The following KCNK17 variants were observed in gnomAD, a reference collection of about 807,000 sequenced individuals.
KCNK17 encodes the protein potassium two pore domain channel subfamily K member 17.
A neutral mutation model predicts 24.6 loss-of-function variants in KCNK17; 27 were observed. The ratio of observed to expected loss-of-function variants is 1.10; its 90% CI spans 0.81 to 1.51. KCNK17 has a LOEUF of 1.51. Among genes scored for constraint, KCNK17 ranks in the 40% most tolerant of loss-of-function variants. KCNK17 has a pLI of 0.00. For missense variants in KCNK17, 450 were observed against 436.6 expected (o/e 1.03, Z -0.27); for synonymous variants, 181 against 189.8 (o/e 0.95, Z 0.38).
At chr6:39,309,554 G>A (rs1414002235) in intron 2 of KCNK17, among the ~76,000 whole-genome samples, 1 of 152,148 alleles carries the variant, frequency 6.6e-6, no homozygotes, top group African/African-American at 2.4e-5. Context: ...CATAATCCAA[G>A]CTAGGGGTGG....
intron 2 of KCNK17, among the ~76,000 whole-genome samples, chr6:39,305,222 A>G (rs1762015063): frequency 6.6e-6 from 1 of 152,232 alleles, no homozygotes. Context: ...TGCAATGCAG[A>G]GAGCAGCTCT....
In KCNK17 at chr6:39,299,177, T is replaced by C. The variant is rs929435609; in HGVS notation, c.*250A>G. The C allele has an allele frequency of 6.0e-6, 3 of 497,486 alleles. No individual in the cohort carries two copies. Among genetic ancestry groups the C allele is most frequent in the African/African-American group, 5.8e-5 (3 of 52,166 alleles). 30.8% of individuals were successfully genotyped at this position (497,486 alleles called of 1,614,324 possible). On this transcript the variant is annotated 3_prime_UTR_variant, in exon 5 of 5. Transcript: ENST00000373231. ...TGGCTGCCAGAGCTCCCAGCCATCA[T>C]ATCGGCGGCATTGCAGCCCGCTAAA... is the stretch of plus-strand genomic sequence containing the variant.
intron 1 of KCNK17, among the ~76,000 whole-genome samples, 183 bp from the exon 2 acceptor site, chr6:39,311,190 C>A (rs1762133763): frequency 6.6e-6 from 1 of 152,020 alleles, no homozygotes; most frequent in Non-Finnish European, 1.5e-5. Context: ...GAGGCTCTAC[C>A]CCTCTCACCA....
At chr6:39,300,790 CCT>C (rs1254889872) in intron 4 of KCNK17, among the ~76,000 whole-genome samples, 1 of 152,124 alleles carries the variant, frequency 6.6e-6, no homozygotes, top group Non-Finnish European at 1.5e-5. Flanking sequence ...GTACTTATGG[CCT>C]CTCGGCTCCA....
At chr6:39,311,109 C>T (rs2395723) in intron 1 of KCNK17, 102 bp from the exon 2 acceptor site, 244,303 of 571,234 alleles carry the variant, frequency 0.43, 56,610 homozygotes, top group Middle Eastern at 0.56. Context: ...CACACACACA[C>T]ACACACACAC....
chr6:39,308,182 G>A (rs1762068544), intron 2 of KCNK17, among the ~76,000 whole-genome samples: 1 of 152,112 alleles, frequency 6.6e-6, no homozygotes, highest in African/African-American at 2.4e-5. Flanking sequence ...CTCCCCAAGG[G>A]CTGGGACTTG....
chr6:39,304,758 C>T, intron 2 of KCNK17, 103 bp from the exon 3 acceptor site: 1 of 1,300,750 alleles, frequency 7.7e-7, no homozygotes, highest in Non-Finnish European at 1.1e-6. Flanking sequence ...CTCATTCTAA[C>T]CCACTGTAGA....
intron 4 of KCNK17, among the ~76,000 whole-genome samples, chr6:39,303,567 A>G (rs1167673091): frequency 6.6e-6 from 1 of 152,030 alleles, no homozygotes; most frequent in African/African-American, 2.4e-5. Context: ...AGTCTCCCGG[A>G]CCCTACTGTC....
At position 39,309,923 on chromosome 6, in the gene KCNK17, G is replaced by T. The variant is rs960413458; in HGVS notation, c.352+970C>A. ...CCCAAGCATGCTTGTCTCAAGGATT[G>T]CCCAAGCTCCCATGTAGCTCTGAGG... On this transcript the variant is annotated intron_variant, in intron 2 of 4. Coordinates refer to ENST00000373231, the MANE Select transcript of KCNK17 (RefSeq NM_031460.4). Among the ~76,000 whole-genome samples the T allele has an allele frequency of 5.9e-5, 9 of 152,300 alleles. No individual in the cohort carries two copies. The South Asian group carries it at 8.3e-4, about 14-fold the overall frequency.
In KCNK17 at chr6:39,310,997, T is replaced by C. The variant is rs1264777975; in HGVS notation, c.248A>G (p.Gln83Arg). Residue 83 changes from glutamine (Q) to arginine (R), a missense_variant, in exon 2 of 5, where the codon CAA (glutamine) becomes CGA (arginine). Coordinates refer to ENST00000373231, the MANE Select transcript of KCNK17 (RefSeq NM_031460.4). ...GAGGCTGGCTCCGTTTTTGTATGCT[T>C]GGACGACATCCTGGGGAAGAGGCTG... is the stretch of plus-strand genomic sequence containing the variant. The part of the protein sequence containing the change: ...ALDSLIRDVV[Q>R]AYKNGASLLS... 3 of 1,602,488 alleles carry C rather than the reference T, an allele frequency of 1.9e-6. No individual in the cohort carries two copies. In the African/African-American group the frequency reaches 4.0e-5, roughly 21 times the overall value.
In KCNK17 at chr6:39,299,277, C is replaced by T. The variant is rs1278116291; in HGVS notation, c.*150G>A. Reference sequence around the variant, plus strand: ...ATCCCATGTCACCCAGGACATGTCTCTGTATACCCTATTGGGCAGAATTAA... The same window carrying T: ...ATCCCATGTCACCCAGGACATGTCTTTGTATACCCTATTGGGCAGAATTAA... On this transcript the variant is annotated 3_prime_UTR_variant, in exon 5 of 5. Coordinates refer to ENST00000373231, the MANE Select transcript of KCNK17 (RefSeq NM_031460.4). 2 of 637,424 alleles carry T rather than the reference C, an allele frequency of 3.1e-6. No individual in the cohort carries two copies. Among genetic ancestry groups the T allele is most frequent in the Non-Finnish European group, 2.7e-6 (1 of 368,606 alleles). 39.5% of individuals were successfully genotyped at this position (637,424 alleles called of 1,614,324 possible).
chr6:39,308,561 GATT>G (rs1225878246), intron 2 of KCNK17, among the ~76,000 whole-genome samples: 2 of 152,238 alleles, frequency 1.3e-5, no homozygotes, highest in Non-Finnish European at 2.9e-5. Context: ...AAAATGCTGG[GATT>G]ATAGGCAAGA....
chr6:39,304,693 C>T, intron 2 of KCNK17, 38 bp from the exon 3 acceptor site: 1 of 1,591,372 alleles, frequency 6.3e-7, no homozygotes, highest in Non-Finnish European at 8.6e-7. Context: ...CATTTCCAGC[C>T]CAGCCCTGTC....
intron 2 of KCNK17, among the ~76,000 whole-genome samples, chr6:39,308,980 A>G (rs1035779529): frequency 6.6e-6 from 1 of 152,168 alleles, no homozygotes; most frequent in Admixed American, 6.5e-5. Flanking sequence ...CACTAGCCGT[A>G]TGATCTGGGG....
chr6:39,305,854 G>C (rs1306354271), intron 2 of KCNK17, among the ~76,000 whole-genome samples: 1 of 152,148 alleles, frequency 6.6e-6, no homozygotes, highest in African/African-American at 2.4e-5. Context: ...TCTATGAAGA[G>C]AGTCTCTCCT....
chr6:39,304,410 CTCT>C (rs1761999115), intron 3 of KCNK17, 82 bp downstream of exon 3: 2 of 1,255,470 alleles, frequency 1.6e-6, no homozygotes, highest in African/African-American at 1.5e-5. Context: ...TTGCTCCCAC[CTCT>C]TGTCATTAGT....
At chr6:39,308,433 G>A (rs182956576) in intron 2 of KCNK17, among the ~76,000 whole-genome samples, 1 of 152,332 alleles carries the variant, frequency 6.6e-6, no homozygotes, top group East Asian at 1.9e-4. Flanking sequence ...TGGGATTACA[G>A]GCACCCGCCA....
At chr6:39,304,297 G>T (rs112815828) in intron 3 of KCNK17, 166 bp from the exon 4 acceptor site, 54,181 of 787,332 alleles carry the variant, frequency 0.069, 2,124 homozygotes, top group Non-Finnish European at 0.076. Flanking sequence ...TGTCCTTCCT[G>T]TCTGCCCAGT....
chr6:39,306,075 G>A (rs1157706243), intron 2 of KCNK17, among the ~76,000 whole-genome samples: 1 of 142,890 alleles, frequency 7.0e-6, no homozygotes, highest in East Asian at 2.1e-4. Flanking sequence ...ACGTAGTTTC[G>A]CTCTCTTGCC....
Sources: allele counts gnomAD v4.1 joint callset (sites outside exome capture counted in the v4.1 genomes callset), GRCh38; gene constraint gnomAD v4.1.1; transcripts MANE v1.5; gene names NCBI Gene and HGNC (gene_info 2026-07-23, HGNC 2026-07-21).